The following CALM2 variants were observed in gnomAD, a reference collection of about 807,000 sequenced individuals.
CALM2 encodes calmodulin 2.
CALM2 carries 2 observed loss-of-function variants against 19.8 expected under a neutral mutation model. That is an observed-to-expected ratio of 0.10 (90% CI 0.04 to 0.32). CALM2 has a LOEUF of 0.32. Among genes scored for constraint, CALM2 ranks in the 10% least tolerant of loss-of-function variants. The pLI is 1.00. For synonymous variants in CALM2, 51 were observed against 52.1 expected (o/e 0.98, Z 0.09); for missense variants, 38 against 178.7 (o/e 0.21, Z 4.49).
intron 2 of CALM2, among the ~76,000 whole-genome samples, chr2:47,168,041 G>C (rs1666545454): frequency 6.6e-6 from 1 of 151,972 alleles, no homozygotes; most frequent in South Asian, 2.1e-4. Context: ...AGAAATCTTA[G>C]GATAGTAGTG....
chr2:47,162,255 CA>C (rs1435065615), intron 4 of CALM2, 30 bp downstream of exon 4: 12 of 1,212,908 alleles, frequency 9.9e-6, no homozygotes, highest in Non-Finnish European at 1.4e-5. Flanking sequence ...ATTTCATCCT[CA>C]AAATTTAACA....
At chr2:47,167,330 G>C (rs1372944070) in intron 2 of CALM2, 2 of 152,152 alleles carry the variant, frequency 1.3e-5, no homozygotes, top group Non-Finnish European at 2.9e-5. Context: ...CATCATGGCA[G>C]AGTTATCAAC....
chr2:47,162,198 A>C (rs796500392), intron 4 of CALM2, 88 bp downstream of exon 4: 301 of 433,584 alleles, frequency 6.9e-4, no homozygotes, highest in East Asian at 4.6e-3. Flanking sequence ...AAAAAAAAAA[A>C]AACAACCAAA....
In CALM2 at chr2:47,160,553, A is replaced by G. The variant is rs1687123893; in HGVS notation, c.*223T>C. On this transcript the variant is annotated 3_prime_UTR_variant, in exon 6 of 6. Coordinates refer to ENST00000272298, the MANE Select transcript of CALM2 (RefSeq NM_001743.6). ...TGCAGAAGGGCTTAGATATATCCAG[A>G]GTAAGCCACATGCAACATGTTACTT... The G allele has an allele frequency of 2.3e-6, 1 of 430,426 alleles. No homozygotes were observed. Among genetic ancestry groups the G allele is most frequent in the East Asian group, 3.7e-5 (1 of 27,042 alleles). 26.7% of individuals were successfully genotyped at this position (430,426 alleles called of 1,614,324 possible).
chr2:47,160,611 T>C lies in CALM2; in HGVS notation c.*165A>G, dbSNP rs907350467. The stretch of plus-strand genomic sequence containing the variant: ...TTTCTAAAATAAGGTTTTAGGACAA[T>C]GACAGTAAGATAAGGGAAGAAAACA... On this transcript the variant is annotated 3_prime_UTR_variant, in exon 6 of 6. Transcript: ENST00000272298. The C allele has an allele frequency of 2.6e-5, 13 of 502,776 alleles. No homozygotes were observed. The highest frequency in any genetic ancestry group is 2.0e-4 in the African/African-American group (10 of 49,860). 31.1% of individuals were successfully genotyped at this position (502,776 alleles called of 1,614,324 possible). A position where few individuals can be genotyped will look rare whatever the true frequency, so the allele number is the denominator to read the frequency against.
rs775532408 is a variant in CALM2 at position 47,167,814 on chromosome 2, C to CCTTTTTTTTTTTTTTTTTT, written c.34+2919_34+2920insAAAAAAAAAAAAAAAAAAG. 5 of 96,524 alleles carry CCTTTTTTTTTTTTTTTTTT rather than the reference C, an allele frequency of 5.2e-5. 1 individual carries two copies. Among genetic ancestry groups the CCTTTTTTTTTTTTTTTTTT allele is most frequent in the African/African-American group, 2.8e-4 (5 of 17,908 alleles). 6.0% of individuals were successfully genotyped at this position (96,524 alleles called of 1,614,324 possible). A position where few individuals can be genotyped will look rare whatever the true frequency, so the allele number is the denominator to read the frequency against. ...AAAAAAAAAAATTTTTTTTTCTTTT[C>CCTTTTTTTTTTTTTTTTTT]TTTGAGACAGGGTCTTGCTGTGTTG... On this transcript the variant is annotated intron_variant, in intron 2 of 5. Transcript: ENST00000272298.
chr2:47,166,987 T>C (rs565007883), intron 2 of CALM2, among the ~76,000 whole-genome samples: 1 of 152,324 alleles, frequency 6.6e-6, no homozygotes, highest in East Asian at 1.9e-4. Context: ...ATTAGTTTAT[T>C]ACCTAAACAT....
At chr2:47,163,530 TCAAG>T (rs1256030835) in intron 2 of CALM2, 1 of 151,564 alleles carries the variant, frequency 6.6e-6, no homozygotes, top group African/African-American at 2.4e-5. Flanking sequence ...CCTCCCAGGA[TCAAG>T]CAATTCTCCT....
intron 1 of CALM2, among the ~76,000 whole-genome samples, chr2:47,175,930 T>C (rs887069222): frequency 5.3e-5 from 8 of 150,660 alleles, no homozygotes; most frequent in African/African-American, 1.9e-4. Flanking sequence ...GCGGGCTAAC[T>C]GCGACGCCGA....
At chr2:47,170,659 GTC>G in intron 2 of CALM2, 73 bp downstream of exon 2, 3 of 1,087,970 alleles carry the variant, frequency 2.8e-6, no homozygotes, top group Non-Finnish European at 1.4e-6. Context: ...TTTCATACAA[GTC>G]TCTTATTCTG....
At chr2:47,176,360 G>T in intron 1 of CALM2, 81 bp downstream of exon 1, 1 of 1,544,544 alleles carries the variant, frequency 6.5e-7, no homozygotes, top group South Asian at 1.1e-5. Flanking sequence ...TGTAAGGGAG[G>T]CGAGTTTCCT....
At position 47,161,868 on chromosome 2, in the gene CALM2, A is replaced by T. The variant is rs1558694452; in HGVS notation, c.286-10T>A. The stretch of plus-strand genomic sequence containing the variant: ...TATAGCCATTGCCATCCTAGCAAAA[A>T]ATTTAGTATAGTTTCTGAGTCAAAT... On this transcript the variant is annotated splice_polypyrimidine_tract_variant and intron_variant, in intron 4 of 5. Coordinates refer to ENST00000272298, the MANE Select transcript of CALM2 (RefSeq NM_001743.6). 1 of 1,601,830 alleles carries T rather than the reference A, an allele frequency of 6.2e-7. No homozygotes were observed. Among genetic ancestry groups the T allele is most frequent in the African/African-American group, 1.3e-5 (1 of 74,388 alleles).
chr2:47,165,138 A>T (rs1423825937), intron 2 of CALM2, among the ~76,000 whole-genome samples: 1 of 152,186 alleles, frequency 6.6e-6, no homozygotes, highest in Non-Finnish European at 1.5e-5. Context: ...TCACCTGAAA[A>T]TGCTGAGTTT....
intron 2 of CALM2, among the ~76,000 whole-genome samples, chr2:47,165,162 A>T (rs1269966359): frequency 6.6e-6 from 1 of 152,212 alleles, no homozygotes; most frequent in Admixed American, 6.5e-5. Flanking sequence ...AATGACTACT[A>T]GTCAGTCACC....
chr2:47,176,386 G>A (rs1666868934), intron 1 of CALM2, 55 bp downstream of exon 1: 12 of 1,603,070 alleles, frequency 7.5e-6, no homozygotes, highest in South Asian at 5.5e-5. Context: ...TAGTCAGTTC[G>A]CTCCAGTCTC....
intron 2 of CALM2, 42 bp downstream of exon 2, chr2:47,170,689 TATA>T (rs745405640): frequency 6.7e-7 from 1 of 1,501,464 alleles, no homozygotes; most frequent in Admixed American, 1.7e-5. Flanking sequence ...CTATTCAATT[TATA>T]ATAAGAATCT....
upstream of CALM2, chr2:47,176,742 G>C (rs905714170): frequency 1.5e-5 from 20 of 1,371,626 alleles, no homozygotes; most frequent in Non-Finnish European, 1.5e-5. Flanking sequence ...TTAAAAGGCC[G>C]GTGGAGCGGC....
chr2:47,165,843 C>A (rs1286745380), intron 2 of CALM2, among the ~76,000 whole-genome samples: 2 of 152,310 alleles, frequency 1.3e-5, no homozygotes, highest in African/African-American at 4.8e-5. Flanking sequence ...AGCCCAAGAG[C>A]CACTTTTAAC....
chr2:47,175,267 G>A (rs1303063390), intron 1 of CALM2, among the ~76,000 whole-genome samples: 1 of 152,084 alleles, frequency 6.6e-6, no homozygotes, highest in East Asian at 1.9e-4. Context: ...TTTAGGGGTC[G>A]TTTTCAAAGC....
Sources: allele counts gnomAD v4.1 joint callset (sites outside exome capture counted in the v4.1 genomes callset), GRCh38; gene constraint gnomAD v4.1.1; transcripts MANE v1.5; gene names NCBI Gene and HGNC (gene_info 2026-07-23, HGNC 2026-07-21).